Variants in SLC17A5 observed in about 807,000 individuals in gnomAD.
SLC17A5 encodes the protein solute carrier family 17 member 5.
A neutral mutation model predicts 59.4 loss-of-function variants in SLC17A5; 47 were observed. The observed-to-expected ratio is 0.79, with a 90% CI of 0.63 to 1.01. The LOEUF (loss-of-function observed/expected upper bound fraction) is 1.01. Among genes scored for constraint, SLC17A5 ranks in the 50% least tolerant of loss-of-function variants. The pLI, the probability that SLC17A5 is intolerant of heterozygous loss-of-function variation, is 0.00. For synonymous variants in SLC17A5, 202 were observed against 210.7 expected (o/e 0.96, Z 0.36); for missense variants, 522 against 595.5 (o/e 0.88, Z 1.28).
intron 9 of SLC17A5, among the ~76,000 whole-genome samples, chr6:73,602,464 AACAAC>A (rs1197889623): frequency 1.3e-5 from 2 of 151,754 alleles, no homozygotes; most frequent in Admixed American, 1.3e-4. Flanking sequence ...CAACAACAAC[AACAAC>A]AAAAAACATT....
intron 8 of SLC17A5, among the ~76,000 whole-genome samples, chr6:73,613,015 C>T (rs1691347): frequency 0.42 from 63,279 of 151,584 alleles, 14,044 homozygotes; most frequent in African/African-American, 0.57. Flanking sequence ...GTTGTCCATC[C>T]TGGCCAACGG....
chr6:73,645,318 G>C, intron 1 of SLC17A5: 1 of 985,276 alleles, frequency 1.0e-6, no homozygotes. Context: ...GGCTGGGTTT[G>C]AATCAGAAGC....
intron 9 of SLC17A5, among the ~76,000 whole-genome samples, chr6:73,608,580 T>A (rs986259095): frequency 6.6e-6 from 1 of 152,236 alleles, no homozygotes; most frequent in Non-Finnish European, 1.5e-5. Flanking sequence ...CAATAGATTA[T>A]GCTGTTTAGC....
At chr6:73,617,305 AAAAC>A (rs1767919305) in intron 7 of SLC17A5, among the ~76,000 whole-genome samples, 1 of 152,048 alleles carries the variant, frequency 6.6e-6, no homozygotes, top group Non-Finnish European at 1.5e-5. Flanking sequence ...AGAAAGAAAA[AAAAC>A]AAAAAAAAGA....
chr6:73,617,456 G>C (rs1767925602), intron 7 of SLC17A5, among the ~76,000 whole-genome samples: 1 of 152,204 alleles, frequency 6.6e-6, no homozygotes, highest in South Asian at 2.1e-4. Flanking sequence ...TAGTAAATCA[G>C]ATAAGTGAAT....
intron 10 of SLC17A5, 81 bp from the exon 11 acceptor site, chr6:73,595,295 T>C (rs1766744885): frequency 1.4e-6 from 2 of 1,478,044 alleles, no homozygotes; most frequent in South Asian, 2.3e-5. Context: ...GTCACAAGAG[T>C]GTTAAAACAG....
At chr6:73,616,376 G>C (rs950595746) in intron 7 of SLC17A5, among the ~76,000 whole-genome samples, 4 of 152,012 alleles carry the variant, frequency 2.6e-5, no homozygotes, top group African/African-American at 9.7e-5. Context: ...TACATCCCTA[G>C]ACACTTCGAT....
In SLC17A5 at chr6:73,594,338, A is replaced by G. The variant is rs1435256775; in HGVS notation, c.*739T>C. On this transcript the variant is annotated 3_prime_UTR_variant, in exon 11 of 11. Coordinates refer to ENST00000355773, the MANE Select transcript of SLC17A5 (RefSeq NM_012434.5). Reference sequence around the variant, plus strand: ...CGGCCGCTTCGCATTTTTCTTTTGCAGGTTGCATGCCAGCCAATATTCCTC... The same window carrying G: ...CGGCCGCTTCGCATTTTTCTTTTGCGGGTTGCATGCCAGCCAATATTCCTC... The G allele has an allele frequency of 6.5e-6, 1 of 152,886 alleles. No individual in the cohort carries two copies. The highest frequency in any genetic ancestry group is 2.1e-4 in the South Asian group (1 of 4,834). The allele number at this position is 152,886 out of a possible 1,614,324, so 9.5% of individuals were successfully genotyped here.
chr6:73,653,702 A>C (rs1021744172), intron 1 of SLC17A5, 91 bp downstream of exon 1: 166 of 1,312,104 alleles, frequency 1.3e-4, no homozygotes, highest in South Asian at 6.5e-4. Context: ...CCGCCGGCGC[A>C]GGGTGCGGGT....
chr6:73,627,880 C>T (rs1581976233), intron 6 of SLC17A5, among the ~76,000 whole-genome samples: 2 of 150,376 alleles, frequency 1.3e-5, no homozygotes, highest in South Asian at 2.1e-4. Context: ...CCACCTGCCT[C>T]AAAAGTGCTG....
chr6:73,640,149 G>C (rs369211840), intron 3 of SLC17A5, among the ~76,000 whole-genome samples: 12 of 152,286 alleles, frequency 7.9e-5, no homozygotes, highest in South Asian at 2.1e-4. Context: ...GCATAAACTG[G>C]AAGTAAAATA....
intron 8 of SLC17A5, 27 bp downstream of exon 8, chr6:73,615,288 A>G (rs764956133): frequency 1.2e-6 from 2 of 1,613,382 alleles, no homozygotes; most frequent in East Asian, 2.2e-5. Flanking sequence ...ACTGTAAACC[A>G]AAACAAAACC....
chr6:73,615,924 C>T (rs1767838326), intron 7 of SLC17A5, among the ~76,000 whole-genome samples: 2 of 116,660 alleles, frequency 1.7e-5, no homozygotes, highest in Non-Finnish European at 3.3e-5. Flanking sequence ...CTTACTCTGT[C>T]ACTCAGGCTG....
At chr6:73,619,904 AT>A (rs1361272388) in intron 7 of SLC17A5, among the ~76,000 whole-genome samples, 1 of 150,992 alleles carries the variant, frequency 6.6e-6, no homozygotes, top group East Asian at 1.9e-4. Context: ...TATTTTGTTA[AT>A]ATGATTTTGA....
chr6:73,642,370 C>A (rs571594356), intron 2 of SLC17A5, among the ~76,000 whole-genome samples: 10 of 152,108 alleles, frequency 6.6e-5, no homozygotes, highest in Admixed American at 2.0e-4. Context: ...CTGAGCTAGG[C>A]TTTGGGAACC....
chr6:73,648,747 T>G (rs1295116863), intron 1 of SLC17A5, among the ~76,000 whole-genome samples: 1 of 152,078 alleles, frequency 6.6e-6, no homozygotes, highest in Non-Finnish European at 1.5e-5. Flanking sequence ...GAGGGGACAG[T>G]GGAGACAGTC....
At chr6:73,623,706 A>ATTTATTTT (rs1768269882) in intron 6 of SLC17A5, among the ~76,000 whole-genome samples, 1 of 112,516 alleles carries the variant, frequency 8.9e-6, no homozygotes, top group Non-Finnish European at 1.9e-5. Flanking sequence ...TTATTTATTT[A>ATTTATTTT]TTTATTTTTG....
At chr6:73,606,188 G>A (rs186186252) in intron 9 of SLC17A5, among the ~76,000 whole-genome samples, 2 of 151,786 alleles carry the variant, frequency 1.3e-5, no homozygotes, top group Non-Finnish European at 2.9e-5. Flanking sequence ...GATTATAGTC[G>A]CCCGCCACCA....
chr6:73,623,394 G>T (rs147048073), intron 6 of SLC17A5, among the ~76,000 whole-genome samples: 8,124 of 151,810 alleles, frequency 0.054, 288 homozygotes, highest in Middle Eastern at 0.11. Flanking sequence ...GGAGTGCAGT[G>T]GTGCAATCTC....
Sources: gnomAD v4.1 joint callset for allele counts (sites outside exome capture counted in the v4.1 genomes callset) on GRCh38, gnomAD v4.1.1 for gene constraint, MANE v1.5 for transcripts, NCBI Gene and HGNC (gene_info 2026-07-23, HGNC 2026-07-21) for gene names.